Variants in NTAN1 observed in about 807,000 individuals in gnomAD.
NTAN1 encodes the protein protein N-terminal asparagine amidohydrolase.
A neutral mutation model predicts 41.9 loss-of-function variants in NTAN1; 32 were observed. The ratio of observed to expected loss-of-function variants is 0.76; its 90% CI spans 0.58 to 1.03. The LOEUF (loss-of-function observed/expected upper bound fraction) is 1.03. NTAN1 is among the 50% of genes least tolerant of loss of function. The pLI, the probability that NTAN1 is intolerant of heterozygous loss-of-function variation, is 0.00. For missense variants in NTAN1, 377 were observed against 377.5 expected (o/e 1.00, Z 0.01); for synonymous variants, 140 against 139.5 (o/e 1.00, Z -0.03).
intron 1 of NTAN1, among the ~76,000 whole-genome samples, chr16:15,048,305 G>C (rs1207836315): frequency 6.6e-6 from 1 of 152,160 alleles, no homozygotes; most frequent in East Asian, 1.9e-4. Flanking sequence ...TCTGCGCGGT[G>C]GTTTTTTTAA....
At chr16:15,052,293 A>T (rs2044323670) in intron 1 of NTAN1, among the ~76,000 whole-genome samples, 2 of 152,196 alleles carry the variant, frequency 1.3e-5, no homozygotes, top group Non-Finnish European at 2.9e-5. Context: ...CCATGTTACA[A>T]AATATTATTT....
chr16:15,038,900 C>G (rs1168732919), intron 8 of NTAN1, among the ~76,000 whole-genome samples: 2 of 152,222 alleles, frequency 1.3e-5, no homozygotes, highest in African/African-American at 4.8e-5. Context: ...TGAGCGCCAA[C>G]AGCAGTCCCA....
intron 5 of NTAN1, among the ~76,000 whole-genome samples, chr16:15,043,897 G>A (rs1323485073): frequency 1.3e-5 from 2 of 151,930 alleles, no homozygotes; most frequent in African/African-American, 4.8e-5. Context: ...GCAGTGAGCC[G>A]AGATCATGCT....
At position 15,049,322 on chromosome 16, in the gene NTAN1, C is replaced by T. The variant is rs1353147834; in HGVS notation, c.82-1223G>A. Among the ~76,000 whole-genome samples, 4 of 152,202 alleles carry T rather than the reference C, an allele frequency of 2.6e-5. No individual in the cohort carries two copies. The East Asian group carries it at 7.7e-4, about 29-fold the overall frequency. ...GGGATTACATGCATAAGCCACCATA[C>T]CTGGCCTCCGCTTTTTTACCTTAGT... On this transcript the variant is annotated intron_variant, in intron 1 of 9. Transcript: ENST00000287706.
chr16:15,054,992 G>C (rs1384098877), intron 1 of NTAN1, among the ~76,000 whole-genome samples: 1 of 152,098 alleles, frequency 6.6e-6, no homozygotes, highest in African/African-American at 2.4e-5. Flanking sequence ...ACAGTTTATA[G>C]TATCTGAGCC....
chr16:15,038,024 A>G lies in NTAN1; in HGVS notation c.*7T>C. The G allele has an allele frequency of 1.9e-5, 31 of 1,607,424 alleles. No individual in the cohort carries two copies. Among genetic ancestry groups the G allele is most frequent in the Non-Finnish European group, 2.6e-5 (31 of 1,176,794 alleles). ...AAGAAGGTGCTTTCTTTGGTAATTC[A>G]TGTTTTTTAACTTCCTGGAGAAGAG... On this transcript the variant is annotated 3_prime_UTR_variant, in exon 10 of 10. Coordinates refer to ENST00000287706, the MANE Select transcript of NTAN1 (RefSeq NM_173474.4).
intron 7 of NTAN1, 145 bp from the exon 8 acceptor site, chr16:15,040,211 G>A: frequency 2.2e-6 from 1 of 450,686 alleles, no homozygotes; most frequent in Non-Finnish European, 3.9e-6. Context: ...CCCCCTCCCT[G>A]GAGGGGGAAA....
At chr16:15,047,697 A>G in intron 3 of NTAN1, 147 bp from the exon 4 acceptor site, 3 of 902,436 alleles carry the variant, frequency 3.3e-6, no homozygotes, top group Non-Finnish European at 5.5e-6. Flanking sequence ...CAGCCAACCC[A>G]TTCTGACCAG....
chr16:15,042,762 T>A (rs4985152), intron 5 of NTAN1, among the ~76,000 whole-genome samples: 44,604 of 149,506 alleles, frequency 0.3, 7,138 homozygotes, highest in Admixed American at 0.44. Flanking sequence ...AGACGAAGTC[T>A]CGCTCTGTCA....
intron 1 of NTAN1, among the ~76,000 whole-genome samples, chr16:15,051,627 G>A (rs558028624): frequency 6.6e-6 from 1 of 152,220 alleles, no homozygotes; most frequent in Non-Finnish European, 1.5e-5. Flanking sequence ...TGGAACCACA[G>A]GCGCACGCCA....
chr16:15,046,016 G>T (rs1488417970), intron 4 of NTAN1: 1 of 152,294 alleles, frequency 6.6e-6, no homozygotes, highest in Non-Finnish European at 1.5e-5. Context: ...AGCGATCACA[G>T]TTCTACAACA....
At chr16:15,047,029 C>G (rs549115028) in intron 4 of NTAN1, among the ~76,000 whole-genome samples, 1 of 152,156 alleles carries the variant, frequency 6.6e-6, no homozygotes, top group Non-Finnish European at 1.5e-5. Flanking sequence ...CACCTTGGGC[C>G]GGGCTTTCTG....
intron 1 of NTAN1, among the ~76,000 whole-genome samples, chr16:15,052,902 C>T (rs1397983946): frequency 6.6e-6 from 1 of 152,060 alleles, no homozygotes; most frequent in Non-Finnish European, 1.5e-5. Flanking sequence ...CTCTGTGGAA[C>T]CGTATTACCC....
intron 1 of NTAN1, among the ~76,000 whole-genome samples, chr16:15,048,760 A>G (rs776006322): frequency 1.3e-5 from 2 of 152,140 alleles, no homozygotes; most frequent in Non-Finnish European, 2.9e-5. Context: ...AATAGCTGGG[A>G]CTACAGGCTT....
In NTAN1 at chr16:15,037,954, T is replaced by C; in HGVS notation, c.*77A>G. The stretch of plus-strand genomic sequence containing the variant: ...GGCCTAAGACCCAACAGATGTAGGA[T>C]CCAGATCTGGATTCGTGCCAGCCCC... On this transcript the variant is annotated 3_prime_UTR_variant, in exon 10 of 10. Transcript: ENST00000287706. 1.9e-6 allele frequency: 2 copies of C among 1,043,082 alleles called. No individual in the cohort carries two copies. Among genetic ancestry groups the C allele is most frequent in the Non-Finnish European group, 1.5e-6 (1 of 687,776 alleles). 64.6% of individuals were successfully genotyped at this position (1,043,082 alleles called of 1,614,324 possible).
At chr16:15,055,664 C>A (rs1387825048) in intron 1 of NTAN1, 1 of 359,908 alleles carries the variant, frequency 2.8e-6, no homozygotes, top group East Asian at 4.0e-5. Context: ...CCTCTCTGGG[C>A]CCCCGTCCCC....
chr16:15,037,923 G>A lies in NTAN1; in HGVS notation c.*108C>T. ...AGTCATTTGAAAGACACTGAGGAGG[G>A]AAGGAGGCCTAAGACCCAACAGATG... On this transcript the variant is annotated 3_prime_UTR_variant, in exon 10 of 10. Transcript: ENST00000287706. The A allele has an allele frequency of 1.5e-6, 1 of 677,354 alleles. No individual in the cohort carries two copies. The highest frequency in any genetic ancestry group is 2.5e-6 in the Non-Finnish European group (1 of 393,936). The allele number at this position is 677,354 out of a possible 1,614,324, so 42.0% of individuals were successfully genotyped here. A position where few individuals can be genotyped will look rare whatever the true frequency, so the allele number is the denominator to read the frequency against.
intron 4 of NTAN1, chr16:15,045,732 T>C (rs1481130006): frequency 6.6e-6 from 1 of 152,276 alleles, no homozygotes; most frequent in Non-Finnish European, 1.5e-5. Context: ...TCCAACTAAC[T>C]TTCTTGAACC....
At chr16:15,043,896 C>T (rs541653188) in intron 5 of NTAN1, among the ~76,000 whole-genome samples, 7 of 151,638 alleles carry the variant, frequency 4.6e-5, no homozygotes, top group East Asian at 3.9e-4. Context: ...TGCAGTGAGC[C>T]GAGATCATGC....
Sources: allele counts gnomAD v4.1 joint callset (sites outside exome capture counted in the v4.1 genomes callset), GRCh38; gene constraint gnomAD v4.1.1; transcripts MANE v1.5; gene names NCBI Gene and HGNC (gene_info 2026-07-23, HGNC 2026-07-21).